Variants in DOCK1 observed in about 807,000 individuals in gnomAD.
DOCK1 encodes the protein dedicator of cytokinesis 1, also known as dedicator of cytokinesis protein 1.
A neutral mutation model predicts 262.7 loss-of-function variants in DOCK1; 138 were observed. The ratio of observed to expected loss-of-function variants is 0.53; its 90% CI spans 0.46 to 0.61. The LOEUF (loss-of-function observed/expected upper bound fraction) is 0.61, where lower values mean the gene tolerates loss of function less well. Ranked by LOEUF, DOCK1 falls within the 20% of genes least tolerant of loss-of-function variation. DOCK1 has a pLI of 0.00. For missense variants in DOCK1, 1,908 were observed against 2,370.7 expected (o/e 0.80, Z 4.05); for synonymous variants, 866 against 867.4 (o/e 1.00, Z 0.03).
intron 23 of DOCK1, among the ~76,000 whole-genome samples, chr10:127,068,824 G>A (rs1474150479): frequency 6.6e-6 from 1 of 152,116 alleles, no homozygotes; most frequent in East Asian, 1.9e-4. Flanking sequence ...CACTTTTACA[G>A]TGTTGCATTT....
intron 36 of DOCK1, among the ~76,000 whole-genome samples, chr10:127,380,766 G>T (rs1221780464): frequency 6.6e-6 from 1 of 152,166 alleles, no homozygotes; most frequent in African/African-American, 2.4e-5. Flanking sequence ...TTAGTGATGT[G>T]TTTATTACAC....
chr10:127,303,837 C>A (rs2061777796), intron 29 of DOCK1, among the ~76,000 whole-genome samples: 1 of 152,138 alleles, frequency 6.6e-6, no homozygotes, highest in Admixed American at 6.5e-5. Context: ...CCAGCCTGGG[C>A]AACAGAGTGA....
At position 127,082,681 on chromosome 10, in the gene DOCK1, G is replaced by A. The variant is rs954823396; in HGVS notation, c.2445+20905G>A. Among the ~76,000 whole-genome samples, 3 of 152,056 alleles carry A rather than the reference G, an allele frequency of 2.0e-5. No homozygotes were observed. The South Asian group carries it at 6.2e-4, about 32-fold the overall frequency. ...GGGAGACAGCCCAAACCATATCAGG[G>A]TTGCAGAGGCTTATGTGGGAGGATC... On this transcript the variant is annotated intron_variant, in intron 23 of 51. Coordinates refer to ENST00000623213, the MANE Select transcript of DOCK1 (RefSeq NM_001290223.2).
chr10:127,026,532 A>G, intron 16 of DOCK1, 108 bp downstream of exon 16: 1 of 1,005,130 alleles, frequency 9.9e-7, no homozygotes, highest in Non-Finnish European at 1.5e-6. Context: ...TAACACAATA[A>G]GGCTCATTTC....
At chr10:127,016,987 A>G (rs2041973638) in intron 12 of DOCK1, among the ~76,000 whole-genome samples, 1 of 96,740 alleles carries the variant, frequency 1.0e-5, no homozygotes, top group South Asian at 3.6e-4. Flanking sequence ...ACGCACACAC[A>G]CACAGATACA....
intron 27 of DOCK1, among the ~76,000 whole-genome samples, chr10:127,132,539 G>A (rs1026942144): frequency 6.6e-6 from 1 of 152,150 alleles, no homozygotes; most frequent in Non-Finnish European, 1.5e-5. Context: ...TTTTTGAGAA[G>A]CTTTCTAAGC....
In DOCK1 at chr10:127,248,172, C is replaced by T. The variant is rs1408919692; in HGVS notation, c.2949+63C>T. On this transcript the variant is annotated intron_variant, in intron 28 of 51. Coordinates refer to ENST00000623213, the MANE Select transcript of DOCK1 (RefSeq NM_001290223.2). The stretch of plus-strand genomic sequence containing the variant: ...TTAGGGCCAGCACTTTAGACAAAAG[C>T]CTGATATCAATATATTCATTTAAAA... 3.7e-6 allele frequency: 5 copies of T among 1,354,316 alleles called. No individual in the cohort carries two copies. The South Asian group carries it at 4.9e-5, about 13-fold the overall frequency. The allele number at this position is 1,354,316 out of a possible 1,614,324, so 83.9% of individuals were successfully genotyped here.
chr10:127,376,934 T>C (rs1321427404), intron 35 of DOCK1, among the ~76,000 whole-genome samples: 2 of 152,232 alleles, frequency 1.3e-5, no homozygotes, highest in East Asian at 3.9e-4. Flanking sequence ...TCACGGTTTC[T>C]AATGTGAACC....
At chr10:126,980,055 C>A (rs915805554) in intron 3 of DOCK1, among the ~76,000 whole-genome samples, 3 of 152,168 alleles carry the variant, frequency 2.0e-5, no homozygotes, top group African/African-American at 7.2e-5. Flanking sequence ...TTTTCTCCCC[C>A]ATCTGGGTGG....
chr10:127,052,292 A>AG (rs1470063500), intron 21 of DOCK1, among the ~76,000 whole-genome samples: 3 of 152,288 alleles, frequency 2.0e-5, no homozygotes, highest in South Asian at 4.1e-4. Flanking sequence ...TGGGAGGCCA[A>AG]GGGGGGTGGA....
At chr10:127,442,188 T>A (rs1349026105) in intron 49 of DOCK1, among the ~76,000 whole-genome samples, 3 of 152,118 alleles carry the variant, frequency 2.0e-5, no homozygotes, top group Non-Finnish European at 2.9e-5. Flanking sequence ...AGGGCCTGAA[T>A]CTTCCTCCCA....
intron 23 of DOCK1, among the ~76,000 whole-genome samples, chr10:127,063,453 T>C (rs1034396586): frequency 3.9e-5 from 6 of 152,098 alleles, no homozygotes; most frequent in Non-Finnish European, 7.4e-5. Flanking sequence ...CCATTTGGAC[T>C]CTTCACTACG....
Position 127,433,383 on chromosome 10 carries a change from C to T in DOCK1, c.5015C>T (p.Ser1672Phe), listed in dbSNP as rs561000918. 3.1e-6 allele frequency: 5 copies of T among 1,614,032 alleles called. No individual in the cohort carries two copies. In the Admixed American group the frequency reaches 6.7e-5, roughly 22 times the overall value. The change falls in exon 48 of 52, where the codon TCT becomes TTT. Residue 1672 changes from serine (S) to phenylalanine (F), a missense_variant. By Grantham distance (155) the Ser-to-Phe change is radical. Coordinates refer to ENST00000623213, the MANE Select transcript of DOCK1 (RefSeq NM_001290223.2). ...CGCCCTCTGTCTGTGGCCTCTGTCT[C>T]TTCCCTCTCATCGGACAGCACCCCT... is the stretch of plus-strand genomic sequence containing the variant. ...SSRPLSVASV[S>F]SLSSDSTPSR...
intron 29 of DOCK1, among the ~76,000 whole-genome samples, chr10:127,289,162 G>A (rs1326810256): frequency 4.0e-5 from 6 of 151,890 alleles, no homozygotes; most frequent in South Asian, 2.1e-4. Flanking sequence ...ACACAAACAC[G>A]CACACACAGA....
At chr10:127,372,062 G>C (rs2065237013) in intron 33 of DOCK1, among the ~76,000 whole-genome samples, 1 of 152,184 alleles carries the variant, frequency 6.6e-6, no homozygotes. Context: ...ATTTGGGGGA[G>C]GAGACCATGG....
chr10:127,158,417 C>T (rs1302307753), intron 27 of DOCK1, among the ~76,000 whole-genome samples: 1 of 152,146 alleles, frequency 6.6e-6, no homozygotes, highest in Non-Finnish European at 1.5e-5. Flanking sequence ...ACATTTGGAT[C>T]ACAAATTATA....
chr10:127,130,065 CTTTTTTTTTTTT>C (rs74721427), intron 27 of DOCK1, among the ~76,000 whole-genome samples: 11 of 117,552 alleles, frequency 9.4e-5, no homozygotes, highest in Admixed American at 6.8e-4. Context: ...TTAGGGTCTT[CTTTTTTTTTTTT>C]TTTTTTTTTT....
At chr10:127,245,424 C>T (rs975545528) in intron 27 of DOCK1, among the ~76,000 whole-genome samples, 8 of 152,320 alleles carry the variant, frequency 5.3e-5, no homozygotes, top group Non-Finnish European at 1.0e-4. Context: ...TCCTTCTGGC[C>T]CTTCTGGGCC....
rs757025310 is a variant in DOCK1, at chr10:127,410,829, T to A, written c.4344-11T>A. ...GGTTAAATATCTAATGATCTGTCTG[T>A]CTCTGTACAGTTTTTACAGGGTGAA... On this transcript the variant is annotated splice_polypyrimidine_tract_variant and intron_variant, in intron 42 of 51. Transcript: ENST00000623213. 1 of 1,613,148 alleles carries A rather than the reference T, an allele frequency of 6.2e-7. No individual in the cohort carries two copies. Among genetic ancestry groups the A allele is most frequent in the African/African-American group, 1.3e-5 (1 of 74,930 alleles).
Sources: allele counts gnomAD v4.1 joint callset (sites outside exome capture counted in the v4.1 genomes callset), GRCh38; gene constraint gnomAD v4.1.1; transcripts MANE v1.5; gene names NCBI Gene and HGNC (gene_info 2026-07-23, HGNC 2026-07-21).